The following KCNH7 variants were observed in gnomAD, a reference collection of about 807,000 sequenced individuals.
KCNH7 encodes voltage-gated inwardly rectifying potassium channel KCNH7.
In KCNH7, 49 loss-of-function variants were observed where a neutral mutation model predicts 120.8. The observed-to-expected ratio is 0.41, with a 90% CI of 0.32 to 0.51. The LOEUF is 0.51. KCNH7 is among the 20% of genes least tolerant of loss of function. The pLI, the probability that KCNH7 is intolerant of heterozygous loss-of-function variation, is 0.38. For synonymous variants in KCNH7, 547 were observed against 516.1 expected (o/e 1.06, Z -0.81); for missense variants, 1,097 against 1,446.6 (o/e 0.76, Z 3.92).
intron 2 of KCNH7, among the ~76,000 whole-genome samples, chr2:162,808,863 G>A (rs764129957): frequency 6.6e-6 from 1 of 152,194 alleles, no homozygotes; most frequent in South Asian, 2.1e-4. Flanking sequence ...GGTTCCAGGT[G>A]CAAAACAGTC....
At chr2:162,413,235 TCTC>T (rs1687443909) in intron 9 of KCNH7, among the ~76,000 whole-genome samples, 2 of 152,084 alleles carry the variant, frequency 1.3e-5, no homozygotes, top group East Asian at 1.9e-4. Context: ...TTCAGGACAT[TCTC>T]CTGCCTCAGC....
At chr2:162,749,267 T>C (rs1688459169) in intron 2 of KCNH7, among the ~76,000 whole-genome samples, 1 of 151,816 alleles carries the variant, frequency 6.6e-6, no homozygotes, top group Non-Finnish European at 1.5e-5. Context: ...TCGATCACCT[T>C]TTTTTTAAAC....
rs770120251 is a variant in KCNH7, at chr2:162,645,780, G to T, written c.308-108700C>A. Among the ~76,000 whole-genome samples the T allele has an allele frequency of 6.2e-4, 94 of 152,106 alleles. 1 individual carries two copies. Among genetic ancestry groups the T allele is most frequent in the Non-Finnish European group, 4.1e-4 (28 of 68,014 alleles). On this transcript the variant is annotated intron_variant, in intron 2 of 15. Transcript: ENST00000332142. ...CAGTATCCATTTCCTCCAGCTCTCT[G>T]TCCTCTTTCCCAAATGAGGTCACAC...
At chr2:162,548,270 A>G (rs945111011) in intron 2 of KCNH7, among the ~76,000 whole-genome samples, 6 of 152,168 alleles carry the variant, frequency 3.9e-5, no homozygotes, top group Non-Finnish European at 8.8e-5. Flanking sequence ...TGCAGCAGGT[A>G]GCTGCTACAG....
At chr2:162,388,146 G>T (rs1686631163) in intron 12 of KCNH7, among the ~76,000 whole-genome samples, 1 of 151,534 alleles carries the variant, frequency 6.6e-6, no homozygotes. Context: ...ATTGAAAGAG[G>T]CCTAGATGAA....
chr2:162,433,149 A>G (rs1688124570), intron 8 of KCNH7, among the ~76,000 whole-genome samples: 1 of 152,102 alleles, frequency 6.6e-6, no homozygotes, highest in Non-Finnish European at 1.5e-5. Context: ...CAAATGGACA[A>G]ACATTCCATG....
At chr2:162,483,054 A>G (rs1269816722) in intron 6 of KCNH7, among the ~76,000 whole-genome samples, 1 of 152,094 alleles carries the variant, frequency 6.6e-6, no homozygotes, top group Non-Finnish European at 1.5e-5. Flanking sequence ...TAAGGAATTA[A>G]CTCCTCATAA....
chr2:162,682,439 G>A (rs901606628), intron 2 of KCNH7, among the ~76,000 whole-genome samples: 2 of 148,364 alleles, frequency 1.3e-5, no homozygotes, highest in African/African-American at 2.5e-5. Context: ...GAGAGAGAGA[G>A]AGACTATAAA....
chr2:162,626,501 A>T (rs1475804649), intron 2 of KCNH7, among the ~76,000 whole-genome samples: 2 of 152,148 alleles, frequency 1.3e-5, no homozygotes, highest in Non-Finnish European at 2.9e-5. Context: ...GTGATTGAAG[A>T]TACAAAGTTT....
At chr2:162,680,427 A>G (rs1685672474) in intron 2 of KCNH7, among the ~76,000 whole-genome samples, 1 of 151,886 alleles carries the variant, frequency 6.6e-6, no homozygotes, top group Middle Eastern at 3.4e-3. Context: ...ACAACACAGG[A>G]GAAACTCAAG....
At chr2:162,617,108 G>T (rs917017803) in intron 2 of KCNH7, among the ~76,000 whole-genome samples, 10 of 152,222 alleles carry the variant, frequency 6.6e-5, no homozygotes, top group Non-Finnish European at 7.4e-5. Context: ...ATTTAACAAC[G>T]TGATTAGAGT....
At chr2:162,768,669 A>G (rs749573094) in intron 2 of KCNH7, among the ~76,000 whole-genome samples, 1 of 152,162 alleles carries the variant, frequency 6.6e-6, no homozygotes, top group Admixed American at 6.6e-5. Context: ...AAAGAGCTTC[A>G]TAAGTGTTGT....
At chr2:162,660,735 A>G (rs1174377183) in intron 2 of KCNH7, among the ~76,000 whole-genome samples, 1 of 152,202 alleles carries the variant, frequency 6.6e-6, no homozygotes, top group East Asian at 1.9e-4. Flanking sequence ...TATTTTTTAT[A>G]CACTGTCAAA....
At chr2:162,735,392 A>G (rs988191297) in intron 2 of KCNH7, among the ~76,000 whole-genome samples, 1 of 152,194 alleles carries the variant, frequency 6.6e-6, no homozygotes. Flanking sequence ...TAGTTAAAAA[A>G]TAACCTGCCA....
At chr2:162,780,559 C>A (rs644764) in intron 2 of KCNH7, among the ~76,000 whole-genome samples, 33,212 of 152,000 alleles carry the variant, frequency 0.22, 5,138 homozygotes, top group African/African-American at 0.44. Context: ...CAGTGCCCTA[C>A]GTTTTGTGAC....
intron 8 of KCNH7, among the ~76,000 whole-genome samples, chr2:162,425,196 A>T (rs1486326275): frequency 6.6e-6 from 1 of 152,126 alleles, no homozygotes; most frequent in East Asian, 1.9e-4. Context: ...CCAGTTACTG[A>T]GTACAGATCT....
chr2:162,552,291 T>G (rs1050028608), intron 2 of KCNH7, among the ~76,000 whole-genome samples: 1 of 152,192 alleles, frequency 6.6e-6, no homozygotes, highest in Non-Finnish European at 1.5e-5. Flanking sequence ...TTTACCAGTT[T>G]TTTAGACTTT....
At chr2:162,718,614 T>A (rs533838729) in intron 2 of KCNH7, among the ~76,000 whole-genome samples, 2 of 152,142 alleles carry the variant, frequency 1.3e-5, no homozygotes, top group East Asian at 3.9e-4. Flanking sequence ...TGGAAGAACT[T>A]TCAAAATTGG....
intron 2 of KCNH7, among the ~76,000 whole-genome samples, chr2:162,666,346 C>T (rs1685131383): frequency 6.6e-6 from 1 of 151,882 alleles, no homozygotes; most frequent in South Asian, 2.1e-4. Context: ...CCATACAATC[C>T]CTAATAAATT....
Sources: gnomAD v4.1 joint callset for allele counts (sites outside exome capture counted in the v4.1 genomes callset) on GRCh38, gnomAD v4.1.1 for gene constraint, MANE v1.5 for transcripts, NCBI Gene and HGNC (gene_info 2026-07-23, HGNC 2026-07-21) for gene names.